The following SLC9A9 variants were observed in gnomAD, a reference collection of about 807,000 sequenced individuals.
SLC9A9 encodes sodium/hydrogen exchanger 9.
Under a neutral mutation model 77.8 loss-of-function variants are expected in SLC9A9, and 62 were observed. The ratio of observed to expected loss-of-function variants is 0.80; its 90% CI spans 0.65 to 0.98. The LOEUF (loss-of-function observed/expected upper bound fraction) is 0.98. SLC9A9 is among the 50% of genes least tolerant of loss of function. The pLI, the probability that SLC9A9 is intolerant of heterozygous loss-of-function variation, is 0.00. For synonymous variants in SLC9A9, 320 were observed against 283.5 expected, an observed-to-expected ratio of 1.13 and a Z score of -1.29; for missense variants, 775 against 774.9, an observed-to-expected ratio of 1.00 and a Z score of 0.00.
At chr3:143,332,867 C>T (rs901401313) in intron 14 of SLC9A9, among the ~76,000 whole-genome samples, 22 of 152,134 alleles carry the variant, frequency 1.4e-4, no homozygotes, top group African/African-American at 4.6e-4. Context: ...TCATCTATAT[C>T]GCTGCTGACT....
intron 14 of SLC9A9, among the ~76,000 whole-genome samples, chr3:143,295,480 C>T (rs1399195009): frequency 2.0e-5 from 3 of 152,132 alleles, no homozygotes; most frequent in Admixed American, 6.5e-5. Flanking sequence ...AACCTGATTC[C>T]TCTTTTGTTA....
At chr3:143,394,995 A>C (rs888720049) in intron 12 of SLC9A9, among the ~76,000 whole-genome samples, 2 of 152,248 alleles carry the variant, frequency 1.3e-5, no homozygotes, top group African/African-American at 4.8e-5. Context: ...GATAGGAAGA[A>C]TCAATACTAT....
intron 9 of SLC9A9, 134 bp downstream of exon 9, chr3:143,552,228 C>A: frequency 1.6e-6 from 1 of 639,796 alleles, no homozygotes; most frequent in East Asian, 2.9e-5. Flanking sequence ...CTATAAATAT[C>A]CAACTCGTAA....
At chr3:143,838,184 C>T (rs1049236681) in intron 1 of SLC9A9, among the ~76,000 whole-genome samples, 10 of 152,146 alleles carry the variant, frequency 6.6e-5, no homozygotes, top group African/African-American at 2.2e-4. Flanking sequence ...AAAGAAAAGA[C>T]CAACTAACCC....
intron 6 of SLC9A9, among the ~76,000 whole-genome samples, chr3:143,592,798 C>T (rs2037674090): frequency 6.6e-6 from 1 of 152,176 alleles, no homozygotes; most frequent in Non-Finnish European, 1.5e-5. Context: ...CAGGGCTCAG[C>T]TCTCTCCAGG....
intron 8 of SLC9A9, among the ~76,000 whole-genome samples, chr3:143,567,715 T>A (rs1239921056): frequency 6.6e-6 from 1 of 152,154 alleles, no homozygotes. Context: ...CAAATGATCA[T>A]CATCAAATTA....
At chr3:143,594,331 A>G (rs952061837) in intron 6 of SLC9A9, among the ~76,000 whole-genome samples, 1 of 152,204 alleles carries the variant, frequency 6.6e-6, no homozygotes, top group African/African-American at 2.4e-5. Context: ...TGTGCTTTCT[A>G]CATTGCAATG....
chr3:143,271,541 A>G (rs886519810), intron 14 of SLC9A9, among the ~76,000 whole-genome samples: 15 of 152,226 alleles, frequency 9.9e-5, no homozygotes, highest in Non-Finnish European at 1.3e-4. Flanking sequence ...TTCGATAATG[A>G]TGGGAAAACG....
chr3:143,811,463 A>C (rs2008862846), intron 2 of SLC9A9, among the ~76,000 whole-genome samples: 1 of 152,210 alleles, frequency 6.6e-6, no homozygotes, highest in African/African-American at 2.4e-5. Context: ...TATGGGCATG[A>C]AAATGCCTGC....
chr3:143,704,332 CT>C (rs1255959532), intron 4 of SLC9A9, among the ~76,000 whole-genome samples: 7 of 152,106 alleles, frequency 4.6e-5, no homozygotes, highest in Non-Finnish European at 1.0e-4. Flanking sequence ...CAGCAAAATG[CT>C]AGCAAACTGA....
At chr3:143,649,798 C>T (rs754924609) in intron 6 of SLC9A9, among the ~76,000 whole-genome samples, 3 of 152,114 alleles carry the variant, frequency 2.0e-5, no homozygotes, top group Non-Finnish European at 4.4e-5. Context: ...GGTTGCACAT[C>T]AAAATGGAAA....
chr3:143,559,311 T>G (rs1290148917), intron 8 of SLC9A9, among the ~76,000 whole-genome samples: 1 of 152,336 alleles, frequency 6.6e-6, no homozygotes, highest in East Asian at 1.9e-4. Context: ...TAGCCCAGAC[T>G]TGGATTTATG....
chr3:143,337,266 A>AC (rs939237676), intron 14 of SLC9A9, among the ~76,000 whole-genome samples: 6 of 151,400 alleles, frequency 4.0e-5, no homozygotes, highest in African/African-American at 7.3e-5. Context: ...CCCTCCTTCC[A>AC]CCCCCCACCC....
intron 12 of SLC9A9, among the ~76,000 whole-genome samples, chr3:143,430,635 T>A (rs770725218): frequency 5.3e-5 from 8 of 152,212 alleles, no homozygotes; most frequent in Non-Finnish European, 1.2e-4. Flanking sequence ...GGGAGGCCAA[T>A]GAAGCTGCAT....
intron 5 of SLC9A9, among the ~76,000 whole-genome samples, chr3:143,689,880 G>A (rs1933401887): frequency 6.6e-6 from 1 of 151,938 alleles, no homozygotes; most frequent in South Asian, 2.1e-4. Context: ...CAAAATCACT[G>A]AAAATTTAGG....
chr3:143,361,228 T>C (rs2032745451), intron 14 of SLC9A9, among the ~76,000 whole-genome samples: 1 of 152,262 alleles, frequency 6.6e-6, no homozygotes, highest in South Asian at 2.1e-4. Context: ...TTCTTCTTTT[T>C]CTTTTGTCTA....
rs868648629 is a variant in SLC9A9 at position 143,503,387 on chromosome 3, G to A, written c.1090-7939C>T. On this transcript the variant is annotated intron_variant, in intron 9 of 15. Transcript: ENST00000316549. ...GTCATTGAGAGCAATGCCAGTCCCA[G>A]CATCAAAAGTGGAAGAATGAGTGTC... 7 of 313,596 alleles carry A rather than the reference G, an allele frequency of 2.2e-5. 1 individual carries two copies. The highest frequency in any genetic ancestry group is 1.3e-4 in the South Asian group (5 of 37,792). 19.4% of individuals were successfully genotyped at this position (313,596 alleles called of 1,614,324 possible).
At chr3:143,844,643 C>T (rs2009782473) in intron 1 of SLC9A9, among the ~76,000 whole-genome samples, 2 of 152,106 alleles carry the variant, frequency 1.3e-5, no homozygotes, top group Non-Finnish European at 2.9e-5. Context: ...ACGGAGATGA[C>T]TGTTACAGTC....
intron 4 of SLC9A9, among the ~76,000 whole-genome samples, chr3:143,778,668 T>C (rs1250669794): frequency 6.6e-6 from 1 of 152,208 alleles, no homozygotes; most frequent in Non-Finnish European, 1.5e-5. Context: ...GAAAATTAGT[T>C]AAATTTAGAA....
Sources: gnomAD v4.1 joint callset for allele counts (sites outside exome capture counted in the v4.1 genomes callset) on GRCh38, gnomAD v4.1.1 for gene constraint, MANE v1.5 for transcripts, NCBI Gene and HGNC (gene_info 2026-07-23, HGNC 2026-07-21) for gene names.